The following PATL2 variants were observed in gnomAD, a reference collection of about 807,000 sequenced individuals.
PATL2 encodes protein PAT1 homolog 2.
Under a neutral mutation model 77.0 loss-of-function variants are expected in PATL2, and 73 were observed. That is an observed-to-expected ratio of 0.95 (90% confidence interval 0.78 to 1.15). The LOEUF (loss-of-function observed/expected upper bound fraction) is 1.15. Ranked by LOEUF, PATL2 falls within the 50% of genes most tolerant of loss-of-function variation. The probability of loss-of-function intolerance (pLI) is 0.00; values close to 1 mark genes in which losing one functional copy is unlikely to be tolerated. For synonymous variants in PATL2, 265 were observed against 257.1 expected, an observed-to-expected ratio of 1.03 and a Z score of -0.29; for missense variants, 618 against 655.4, an observed-to-expected ratio of 0.94 and a Z score of 0.62.
intron 3 of PATL2, chr15:44,677,010 T>C: frequency 1.5e-6 from 1 of 648,740 alleles, no homozygotes; most frequent in Non-Finnish European, 1.9e-6. Context: ...TGGGGCCTGA[T>C]GGAAATATGA....
chr15:44,679,051 T>A (rs2086067452), intron 3 of PATL2, among the ~76,000 whole-genome samples: 1 of 152,180 alleles, frequency 6.6e-6, no homozygotes, highest in South Asian at 2.1e-4. Flanking sequence ...ACTTTGTCTC[T>A]CCTGCCCCCT....
rs1423047763 is a variant in PATL2 at position 44,711,138 on chromosome 15, A to C, written c.-372T>G. The C allele has an allele frequency of 1.2e-5, 4 of 335,914 alleles. No individual in the cohort carries two copies. The highest frequency in any genetic ancestry group is 1.1e-5 in the Non-Finnish European group (2 of 175,518). The allele number at this position is 335,914 out of a possible 1,614,324, so 20.8% of individuals were successfully genotyped here. A position where few individuals can be genotyped will look rare whatever the true frequency, so the allele number is the denominator to read the frequency against. On this transcript the variant is annotated 5_prime_UTR_variant, in exon 1 of 18. Coordinates refer to ENST00000682850, the MANE Select transcript of PATL2 (RefSeq NM_001387263.1). Reference sequence around the variant, plus strand: ...TCTGGGTTTCCGTTTTCTCGAATGAAAAATGCAGGTCCGAGCAGTTAACTG... The same window carrying C: ...TCTGGGTTTCCGTTTTCTCGAATGACAAATGCAGGTCCGAGCAGTTAACTG...
intron 3 of PATL2, among the ~76,000 whole-genome samples, chr15:44,702,394 T>C (rs1435365067): frequency 1.3e-5 from 2 of 152,018 alleles, no homozygotes; most frequent in Non-Finnish European, 2.9e-5. Context: ...TCTTAGCGAG[T>C]CTGGCTAAGG....
chr15:44,686,211 T>C (rs2086252999), intron 3 of PATL2, among the ~76,000 whole-genome samples: 1 of 152,170 alleles, frequency 6.6e-6, no homozygotes, highest in South Asian at 2.1e-4. Context: ...AAACAGTCTC[T>C]CAGACCACAG....
chr15:44,666,327 G>A, intron 17 of PATL2, 65 bp downstream of exon 17: 2 of 1,524,684 alleles, frequency 1.3e-6, no homozygotes, highest in Non-Finnish European at 1.8e-6. Context: ...AAGTAGTGAA[G>A]CAAGTAACAG....
intron 3 of PATL2, among the ~76,000 whole-genome samples, chr15:44,706,511 T>C (rs1159174718): frequency 1.3e-5 from 2 of 152,262 alleles, no homozygotes; most frequent in Non-Finnish European, 1.5e-5. Context: ...TGATTACTCA[T>C]AGAGGCACTG....
At chr15:44,677,875 T>C (rs2086025528) in intron 3 of PATL2, among the ~76,000 whole-genome samples, 1 of 152,184 alleles carries the variant, frequency 6.6e-6, no homozygotes. Flanking sequence ...CATCTTACTC[T>C]GTCACCCAGG....
At chr15:44,686,937 A>G (rs2086271544) in intron 3 of PATL2, among the ~76,000 whole-genome samples, 1 of 152,220 alleles carries the variant, frequency 6.6e-6, no homozygotes, top group Non-Finnish European at 1.5e-5. Flanking sequence ...AAAAAAGTCC[A>G]GGACCAGATG....
chr15:44,690,929 T>C (rs1195400654), intron 3 of PATL2, among the ~76,000 whole-genome samples: 1 of 152,098 alleles, frequency 6.6e-6, no homozygotes, highest in Non-Finnish European at 1.5e-5. Context: ...TGTGAATGTC[T>C]GTTAACACAG....
intron 3 of PATL2, among the ~76,000 whole-genome samples, chr15:44,697,904 T>C (rs1004779343): frequency 6.6e-6 from 1 of 151,930 alleles, no homozygotes; most frequent in Non-Finnish European, 1.5e-5. Flanking sequence ...TTTTTTTTTA[T>C]TATTATTTTA....
intron 13 of PATL2, 52 bp from the exon 14 acceptor site, chr15:44,669,191 TAC>T (rs2141173251): frequency 1.1e-5 from 17 of 1,522,004 alleles, no homozygotes; most frequent in Non-Finnish European, 1.2e-5. Context: ...AGGAGAGGGC[TAC>T]ATGCCACAAA....
intron 15 of PATL2, 127 bp downstream of exon 15, chr15:44,668,215 A>C: frequency 8.5e-7 from 1 of 1,180,402 alleles, no homozygotes; most frequent in South Asian, 1.7e-5. Context: ...TCATGTGCTT[A>C]CTAGAAATAG....
At chr15:44,666,316 G>A in intron 17 of PATL2, 76 bp downstream of exon 17, 1 of 1,500,734 alleles carries the variant, frequency 6.7e-7, no homozygotes, top group Non-Finnish European at 9.1e-7. Context: ...TTAGAAGAAG[G>A]AAGTAGTGAA....
At chr15:44,674,071 C>T in intron 6 of PATL2, 79 bp downstream of exon 6, 1 of 1,375,110 alleles carries the variant, frequency 7.3e-7, no homozygotes, top group South Asian at 1.4e-5. Flanking sequence ...GCCTTAACTC[C>T]AGACCAGGGT....
At chr15:44,687,468 C>G (rs1460382642) in intron 3 of PATL2, among the ~76,000 whole-genome samples, 1 of 152,182 alleles carries the variant, frequency 6.6e-6, no homozygotes, top group African/African-American at 2.4e-5. Flanking sequence ...TGGGCAAAAA[C>G]TGGAAGCATT....
chr15:44,684,621 T>C (rs1321470094), intron 3 of PATL2, among the ~76,000 whole-genome samples: 1 of 152,128 alleles, frequency 6.6e-6, no homozygotes, highest in Non-Finnish European at 1.5e-5. Flanking sequence ...CTACATTTGA[T>C]TGGTGTACCC....
At chr15:44,695,132 G>A (rs560837828) in intron 3 of PATL2, among the ~76,000 whole-genome samples, 2 of 151,728 alleles carry the variant, frequency 1.3e-5, no homozygotes, top group African/African-American at 4.8e-5. Context: ...AGGTTGCAGT[G>A]AGCCGAAGAT....
chr15:44,678,748 C>G (rs1400332864), intron 3 of PATL2, among the ~76,000 whole-genome samples: 1 of 152,032 alleles, frequency 6.6e-6, no homozygotes, highest in Non-Finnish European at 1.5e-5. Context: ...GAGTTCAAGA[C>G]AAGCCTGGAC....
chr15:44,680,353 C>G (rs2086106491), intron 3 of PATL2, among the ~76,000 whole-genome samples: 1 of 152,208 alleles, frequency 6.6e-6, no homozygotes, highest in Admixed American at 6.5e-5. Context: ...TTGTCCTCCT[C>G]CAGTCTTCCA....
Sources: allele counts gnomAD v4.1 joint callset (sites outside exome capture counted in the v4.1 genomes callset), GRCh38; gene constraint gnomAD v4.1.1; transcripts MANE v1.5; gene names NCBI Gene and HGNC (gene_info 2026-07-23, HGNC 2026-07-21).